Variants in CFI observed in about 807,000 individuals in gnomAD.
CFI encodes complement factor I.
In CFI, 66 loss-of-function variants were observed where a neutral mutation model predicts 78.8. The ratio of observed to expected loss-of-function variants is 0.84; its 90% CI spans 0.69 to 1.03. The LOEUF (loss-of-function observed/expected upper bound fraction) is 1.03, where lower values mean the gene tolerates loss of function less well. Ranked by LOEUF, CFI falls within the 50% of genes least tolerant of loss-of-function variation. CFI has a pLI of 0.00. For missense variants in CFI, 706 were observed against 704.5 expected, an observed-to-expected ratio of 1.00 and a Z score of -0.02; for synonymous variants, 250 against 232.6, an observed-to-expected ratio of 1.07 and a Z score of -0.68.
chr4:109,749,137 A>G (rs1460816948), intron 10 of CFI, 81 bp downstream of exon 10: 2 of 1,220,302 alleles, frequency 1.6e-6, no homozygotes, highest in Non-Finnish European at 2.4e-6. Flanking sequence ...TTTTTCAGAT[A>G]TGCTTTATCA....
intron 1 of CFI, among the ~76,000 whole-genome samples, chr4:109,778,535 C>A (rs941200603): frequency 1.3e-5 from 2 of 152,122 alleles, no homozygotes; most frequent in South Asian, 2.1e-4. Flanking sequence ...GATTCACAGC[C>A]AAATTCTACC....
In CFI at chr4:109,761,567, G is replaced by A. The variant is rs138346388; in HGVS notation, c.608C>T (p.Thr203Ile). 493 of 1,614,076 alleles carry A rather than the reference G, an allele frequency of 3.1e-4. 2 individuals are homozygous for A. Among genetic ancestry groups the A allele is most frequent in the Middle Eastern group, 2.0e-3 (12 of 6,062 alleles). Residue 203 changes from threonine (T) to isoleucine (I), a missense_variant, in exon 4 of 13, where the codon ACT becomes ATT. Thr to Ile is a moderately conservative substitution (Grantham distance 89). Coordinates refer to ENST00000394634, the MANE Select transcript of CFI (RefSeq NM_000204.5). The stretch of plus-strand genomic sequence containing the variant: ...ATCAGCGAAATCCTGGTAACCCATA[G>A]TTCTTCTCTTAGTAAAAGTACATTC... ...LAECTFTKRR[T>I]MGYQDFADVV...
Position 109,784,987 on chromosome 4 carries a change from C to T in CFI, c.57+16928G>A, listed in dbSNP as rs796680887. 1.7e-4 allele frequency among the ~76,000 whole-genome samples: 26 copies of T among 152,220 alleles called. 1 individual carries two copies. Among genetic ancestry groups the T allele is most frequent in the African/African-American group, 6.0e-4 (25 of 41,536 alleles). On this transcript the variant is annotated intron_variant, in intron 1 of 12. Coordinates refer to ENST00000394634, the MANE Select transcript of CFI (RefSeq NM_000204.5). ...CCTTATGACAATACACCCTCCCCAC[C>T]CTTGCGATAATGTACTTTGTGATAT...
chr4:109,739,272 T>C (rs1723564426), downstream of CFI, among the ~76,000 whole-genome samples: 1 of 150,510 alleles, frequency 6.6e-6, no homozygotes, highest in African/African-American at 2.4e-5. Context: ...TAAAGATAGC[T>C]GTGCTTAAAA....
chr4:109,781,188 T>TA (rs1433403452), intron 1 of CFI, among the ~76,000 whole-genome samples: 6 of 151,602 alleles, frequency 4.0e-5, no homozygotes, highest in African/African-American at 1.5e-4. Flanking sequence ...CCAATGAAAT[T>TA]GGAAAAAAAA....
At chr4:109,760,669 T>C in intron 4 of CFI, 33 bp from the exon 5 acceptor site, 1 of 1,229,232 alleles carries the variant, frequency 8.1e-7, no homozygotes, top group Non-Finnish European at 1.2e-6. Flanking sequence ...GTGAAATTTA[T>C]TTATGGAGTG....
intron 8 of CFI, among the ~76,000 whole-genome samples, chr4:109,751,191 C>G (rs1225679896): frequency 6.6e-6 from 1 of 152,118 alleles, no homozygotes; most frequent in Non-Finnish European, 1.5e-5. Flanking sequence ...TTGTGTGAAC[C>G]TGCCCACTGT....
intron 1 of CFI, among the ~76,000 whole-genome samples, chr4:109,786,278 G>A (rs769188943): frequency 5.3e-5 from 8 of 151,910 alleles, no homozygotes; most frequent in African/African-American, 1.5e-4. Context: ...TAATCCACTC[G>A]CCTCAGCCTC....
At chr4:109,760,786 T>C (rs768453639) in intron 4 of CFI, 150 bp from the exon 5 acceptor site, 86 of 658,012 alleles carry the variant, frequency 1.3e-4, no homozygotes, top group Non-Finnish European at 2.1e-4. Context: ...ATAGTACATA[T>C]GACTCATACA....
chr4:109,760,359 T>C lies in CFI; in HGVS notation c.794A>G (p.His265Arg). 1 of 1,613,744 alleles carries C rather than the reference T, an allele frequency of 6.2e-7. No individual in the cohort carries two copies. The highest frequency in any genetic ancestry group is 1.1e-5 in the South Asian group (1 of 91,072). ...CCKACQGKGF[H>R]CKSGVCIPSQ... ...TGGAATGCAAACACCCGATTTGCAATGGAAGCCTTTGCCTTGGCATGCTGT... is the reference window on the plus strand; with the variant it reads ...TGGAATGCAAACACCCGATTTGCAACGGAAGCCTTTGCCTTGGCATGCTGT... Residue 265 changes from histidine to arginine, a missense_variant, in exon 6 of 13, where the codon CAT (histidine) becomes CGT (arginine). By Grantham distance (29) the His-to-Arg change is conservative. Coordinates refer to ENST00000394634, the MANE Select transcript of CFI (RefSeq NM_000204.5).
At chr4:109,767,244 C>T (rs1414990974) in intron 1 of CFI, among the ~76,000 whole-genome samples, 2 of 152,106 alleles carry the variant, frequency 1.3e-5, no homozygotes, top group Non-Finnish European at 2.9e-5. Context: ...GTCTAAAATA[C>T]CAAAAGCAAT....
chr4:109,746,596 C>T, intron 10 of CFI, 94 bp from the exon 11 acceptor site: 2 of 1,090,302 alleles, frequency 1.8e-6, no homozygotes, highest in Non-Finnish European at 2.6e-6. Flanking sequence ...CTTTTAAAAA[C>T]CTTTTTCATT....
At position 109,773,983 on chromosome 4, in the gene CFI, A is replaced by G. The variant is rs148560823; in HGVS notation, c.58-7159T>C. The stretch of plus-strand genomic sequence containing the variant: ...CAGTAATTTCCAAAGTGGCTTATTC[A>G]CATCTTGGGATATATGAAAGAATCA... On this transcript the variant is annotated intron_variant, in intron 1 of 12. Coordinates refer to ENST00000394634, the MANE Select transcript of CFI (RefSeq NM_000204.5). Among the ~76,000 whole-genome samples the G allele has an allele frequency of 5.2e-3, 797 of 152,390 alleles. 11 individuals are homozygous for G. The highest frequency in any genetic ancestry group is 0.018 in the African/African-American group (760 of 41,600).
intron 1 of CFI, among the ~76,000 whole-genome samples, chr4:109,784,641 T>C (rs1730515756): frequency 6.6e-6 from 1 of 152,106 alleles, no homozygotes; most frequent in East Asian, 1.9e-4. Context: ...ATTAGCCACA[T>C]TATGAGAAGA....
chr4:109,789,099 T>C (rs933060823), intron 1 of CFI, among the ~76,000 whole-genome samples: 2 of 151,744 alleles, frequency 1.3e-5, no homozygotes, highest in African/African-American at 4.8e-5. Context: ...CCAAACCAGA[T>C]ATGCAGAAGA....
chr4:109,772,560 G>A (rs1219697854), intron 1 of CFI, among the ~76,000 whole-genome samples: 1 of 150,690 alleles, frequency 6.6e-6, no homozygotes, highest in Non-Finnish European at 1.5e-5. Flanking sequence ...GGTGGTATAA[G>A]ATGGAGTGGT....
At chr4:109,761,914 G>T (rs996489239) in intron 3 of CFI, 4 of 509,170 alleles carry the variant, frequency 7.9e-6, no homozygotes, top group South Asian at 2.1e-5. Context: ...ACTTGGCTGG[G>T]GGTGGTGGCT....
downstream of CFI, among the ~76,000 whole-genome samples, chr4:109,739,834 C>T (rs981603661): frequency 5.3e-5 from 8 of 152,042 alleles, no homozygotes; most frequent in African/African-American, 7.2e-5. Flanking sequence ...GTGTGATGCC[C>T]TGAGGGGCTA....
intron 1 of CFI, among the ~76,000 whole-genome samples, chr4:109,798,725 G>T (rs1463102943): frequency 2.0e-5 from 3 of 151,364 alleles, no homozygotes; most frequent in Non-Finnish European, 4.4e-5. Flanking sequence ...GGTTTGTTTT[G>T]GTTGCTTGGG....
Sources: allele counts gnomAD v4.1 joint callset (sites outside exome capture counted in the v4.1 genomes callset), GRCh38; gene constraint gnomAD v4.1.1; transcripts MANE v1.5; gene names NCBI Gene and HGNC (gene_info 2026-07-23, HGNC 2026-07-21).